DLC1: variants seen among roughly 807,000 people sequenced by gnomAD.
DLC1 encodes the protein DLC1 Rho GTPase activating protein.
Under a neutral mutation model 140.3 loss-of-function variants are expected in DLC1, and 54 were observed. The ratio of observed to expected loss-of-function variants is 0.38; its 90% CI spans 0.31 to 0.48. DLC1 has a LOEUF of 0.48. Ranked by LOEUF, DLC1 falls within the 20% of genes least tolerant of loss-of-function variation. DLC1 has a pLI of 0.96. For synonymous variants in DLC1, 986 were observed against 728.1 expected, an observed-to-expected ratio of 1.35 and a Z score of -5.70; for missense variants, 2,536 against 1,907.0, an observed-to-expected ratio of 1.33 and a Z score of -6.14.
intron 2 of DLC1, among the ~76,000 whole-genome samples, chr8:13,468,373 C>G (rs1474236883): frequency 1.5e-5 from 2 of 132,016 alleles, no homozygotes; most frequent in African/African-American, 5.8e-5. Flanking sequence ...CCTCCCCTCT[C>G]CTTTTCTGTC....
intron 2 of DLC1, among the ~76,000 whole-genome samples, chr8:13,407,467 C>T (rs145767592): frequency 0.011 from 1,711 of 152,238 alleles, 40 homozygotes; most frequent in African/African-American, 0.037. Flanking sequence ...GGATATTTTG[C>T]AGACTGGAGA....
At chr8:13,406,166 C>T (rs1345791959) in intron 2 of DLC1, among the ~76,000 whole-genome samples, 1 of 92,770 alleles carries the variant, frequency 1.1e-5, no homozygotes, top group Non-Finnish European at 2.4e-5. Flanking sequence ...GCCACCATCC[C>T]CAGCTAATTT....
chr8:13,315,758 TG>T (rs1442174279), intron 4 of DLC1, among the ~76,000 whole-genome samples: 1 of 152,330 alleles, frequency 6.6e-6, no homozygotes, highest in South Asian at 2.1e-4. Flanking sequence ...GTGACCTGGA[TG>T]GAGACAGGGA....
intron 2 of DLC1, among the ~76,000 whole-genome samples, chr8:13,446,227 C>A (rs1479854790): frequency 6.6e-6 from 1 of 152,150 alleles, no homozygotes; most frequent in East Asian, 1.9e-4. Flanking sequence ...ATCACTCAGG[C>A]AACATCCCTT....
chr8:13,472,165 A>G (rs970417817), intron 2 of DLC1, among the ~76,000 whole-genome samples: 4 of 152,184 alleles, frequency 2.6e-5, no homozygotes, highest in Non-Finnish European at 5.9e-5. Flanking sequence ...TTTCAGCAGG[A>G]CTTATTTTTA....
At chr8:13,180,261 C>G (rs1470732785) in intron 5 of DLC1, among the ~76,000 whole-genome samples, 1 of 152,166 alleles carries the variant, frequency 6.6e-6, no homozygotes, top group African/African-American at 2.4e-5. Flanking sequence ...TACTCCATTA[C>G]TTATGAAGTT....
chr8:13,523,617 A>T (rs1024899319), intron 1 of DLC1, among the ~76,000 whole-genome samples: 1 of 152,178 alleles, frequency 6.6e-6, no homozygotes, highest in African/African-American at 2.4e-5. Flanking sequence ...ATAAAATAAG[A>T]AGACAAATAC....
At chr8:13,440,376 G>C (rs780573408) in intron 2 of DLC1, among the ~76,000 whole-genome samples, 3 of 152,094 alleles carry the variant, frequency 2.0e-5, no homozygotes, top group Non-Finnish European at 4.4e-5. Flanking sequence ...TTGAAAACAT[G>C]TTAACAAACA....
At chr8:13,439,437 C>T (rs955799511) in intron 2 of DLC1, among the ~76,000 whole-genome samples, 1 of 152,050 alleles carries the variant, frequency 6.6e-6, no homozygotes, top group African/African-American at 2.4e-5. Context: ...AGTTTGAGCA[C>T]TCCATTTTCT....
intron 1 of DLC1, among the ~76,000 whole-genome samples, chr8:13,502,899 C>T (rs991236290): frequency 1.3e-5 from 2 of 152,192 alleles, no homozygotes; most frequent in Middle Eastern, 3.4e-3. Flanking sequence ...GGGGATTTTT[C>T]ACTTCTTAAA....
intron 5 of DLC1, among the ~76,000 whole-genome samples, chr8:13,125,845 T>C (rs1821514191): frequency 6.6e-6 from 1 of 151,982 alleles, no homozygotes; most frequent in African/African-American, 2.4e-5. Flanking sequence ...AAGGACCCAT[T>C]TTCCCTGTGA....
At chr8:13,454,688 G>A (rs1799309033) in intron 2 of DLC1, among the ~76,000 whole-genome samples, 1 of 152,104 alleles carries the variant, frequency 6.6e-6, no homozygotes, top group Non-Finnish European at 1.5e-5. Context: ...CCAAGTAGCT[G>A]GAACTATAGG....
intron 5 of DLC1, among the ~76,000 whole-genome samples, chr8:13,147,894 A>G (rs1037051700): frequency 3.3e-5 from 5 of 152,184 alleles, no homozygotes; most frequent in Non-Finnish European, 1.5e-5. Context: ...AGACTGAGGC[A>G]GGAGAATGGC....
chr8:13,448,197 G>C (rs927790130), intron 2 of DLC1, among the ~76,000 whole-genome samples: 2 of 152,240 alleles, frequency 1.3e-5, no homozygotes, highest in Admixed American at 1.3e-4. Flanking sequence ...TCTGTTCATG[G>C]GATGTCCCTG....
chr8:13,289,349 C>G (rs1474910006), intron 5 of DLC1, among the ~76,000 whole-genome samples: 1 of 152,126 alleles, frequency 6.6e-6, no homozygotes. Context: ...TGCCTTTGCA[C>G]CTGGTTAAAT....
At chr8:13,495,235 G>T (rs951527576) in intron 2 of DLC1, among the ~76,000 whole-genome samples, 1 of 152,056 alleles carries the variant, frequency 6.6e-6, no homozygotes, top group African/African-American at 2.4e-5. Context: ...ACTGAATTTT[G>T]TACTCTCTCT....
At chr8:13,420,180 A>G (rs1838252534) in intron 2 of DLC1, among the ~76,000 whole-genome samples, 2 of 151,974 alleles carry the variant, frequency 1.3e-5, no homozygotes, top group Admixed American at 1.3e-4. Flanking sequence ...GGATTCATTA[A>G]TTTTTTGAAG....
chr8:13,169,476 G>A (rs986017477), intron 5 of DLC1, among the ~76,000 whole-genome samples: 20 of 152,152 alleles, frequency 1.3e-4, no homozygotes, highest in Admixed American at 8.5e-4. Flanking sequence ...AATATTGCCT[G>A]GCTTAAAGTA....
intron 2 of DLC1, among the ~76,000 whole-genome samples, chr8:13,434,570 G>C (rs1457057242): frequency 2.6e-5 from 4 of 152,184 alleles, no homozygotes; most frequent in Admixed American, 2.6e-4. Context: ...CCTAGGTTAA[G>C]TGTTGGCAAG....
Sources: gnomAD v4.1 joint callset for allele counts (sites outside exome capture counted in the v4.1 genomes callset) on GRCh38, gnomAD v4.1.1 for gene constraint, MANE v1.5 for transcripts, NCBI Gene and HGNC (gene_info 2026-07-23, HGNC 2026-07-21) for gene names.